SOX5: variants seen among roughly 807,000 people sequenced by gnomAD.
The protein encoded by SOX5 is SRY-box transcription factor 5, also known as transcription factor SOX-5.
A neutral mutation model predicts 92.0 loss-of-function variants in SOX5; 9 were observed. That is an observed-to-expected ratio of 0.10 (90% CI 0.06 to 0.17). SOX5 has a LOEUF of 0.17. Among genes scored for constraint, SOX5 ranks in the 10% least tolerant of loss-of-function variants. The pLI is 1.00. For missense variants in SOX5, 642 were observed against 944.5 expected (o/e 0.68, Z 4.20); for synonymous variants, 344 against 336.3 (o/e 1.02, Z -0.25).
chr12:24,006,438 G>A (rs531076403), intron 4 of SOX5, among the ~76,000 whole-genome samples: 1 of 151,974 alleles, frequency 6.6e-6, no homozygotes, highest in Non-Finnish European at 1.5e-5. Context: ...TCTAAGGGAG[G>A]TACAGAACTT....
intron 6 of SOX5, among the ~76,000 whole-genome samples, chr12:23,699,789 G>T (rs1593403826): frequency 6.6e-6 from 1 of 152,218 alleles, no homozygotes; most frequent in Middle Eastern, 3.4e-3. Context: ...CAGGTTTTCA[G>T]GAGCTCTACT....
chr12:23,767,064 G>T (rs1035577915), intron 3 of SOX5, among the ~76,000 whole-genome samples: 1 of 151,890 alleles, frequency 6.6e-6, no homozygotes, highest in Non-Finnish European at 1.5e-5. Context: ...AAAACTAGCC[G>T]GGCATGGTTG....
In SOX5 at chr12:23,970,841, A is replaced by ATATATATATATATATATATATATAAAATT; in HGVS notation, c.-1-74818_-1-74817insAATTTTATATATATATATATATATATATA. 4.3e-3 allele frequency among the ~76,000 whole-genome samples: 95 copies of ATATATATATATATATATATATATAAAATT among 21,858 alleles called. 20 individuals carry two copies. Among genetic ancestry groups the ATATATATATATATATATATATATAAAATT allele is most frequent in the South Asian group, 0.033 (15 of 456 alleles). 14.3% of individuals were successfully genotyped at this position (21,858 alleles called of 152,430 possible). On this transcript the variant is annotated intron_variant, in intron 4 of 4. Transcript: ENST00000446891. ...ACATGGGACTTTATATATATATATA[A>ATATATATATATATATATATATATAAAATT]TTTTTTTTTTTTTTTAAGAAATGGG... is the stretch of plus-strand genomic sequence containing the variant.
chr12:23,953,925 A>T (rs1945969657), upstream of SOX5, among the ~76,000 whole-genome samples: 1 of 152,028 alleles, frequency 6.6e-6, no homozygotes, highest in Admixed American at 6.6e-5. Flanking sequence ...TCCATTGCAG[A>T]TATAAAAAGG....
At chr12:23,690,970 G>A (rs1454394765) in intron 6 of SOX5, among the ~76,000 whole-genome samples, 1 of 152,112 alleles carries the variant, frequency 6.6e-6, no homozygotes, top group East Asian at 1.9e-4. Flanking sequence ...GACTGGGAAG[G>A]GAGCACACCT....
intron 1 of SOX5, among the ~76,000 whole-genome samples, chr12:24,417,082 T>A (rs1965143298): frequency 6.6e-6 from 1 of 152,202 alleles, no homozygotes. Flanking sequence ...TCTCTTTCTC[T>A]GTTTCTCATT....
Position 24,079,193 on chromosome 12 carries a change from T to TAAA in SOX5, c.-2+134147_-2+134149dup, listed in dbSNP as rs527892706. On this transcript the variant is annotated intron_variant, in intron 4 of 4. Transcript: ENST00000446891. ...GATAGAAATGCTCTAACAATAAAATTAAAAAAAAAAAACCAGCTTCAGAAT... is the reference window on the plus strand; with the variant it reads ...GATAGAAATGCTCTAACAATAAAATTAAAAAAAAAAAAAAACCAGCTTCAGAAT... Among the ~76,000 whole-genome samples the TAAA allele has an allele frequency of 1.6e-4, 23 of 144,360 alleles. No individual in the cohort carries two copies. The East Asian group carries it at 3.4e-3, about 21-fold the overall frequency. The allele number at this position is 144,360 out of a possible 152,430, so 94.7% of individuals were successfully genotyped here. A position where few individuals can be genotyped will look rare whatever the true frequency, so the allele number is the denominator to read the frequency against.
intron 1 of SOX5, chr12:23,920,232 T>C (rs1165982471): frequency 2.0e-5 from 3 of 152,200 alleles, no homozygotes; most frequent in African/African-American, 4.8e-5. Flanking sequence ...CAAAAAGCGA[T>C]AGAAAAGAAT....
intron 1 of SOX5, among the ~76,000 whole-genome samples, chr12:24,374,942 G>T (rs1957101466): frequency 6.6e-6 from 1 of 152,060 alleles, no homozygotes; most frequent in Non-Finnish European, 1.5e-5. Context: ...GTGGGTGCAG[G>T]GTTGGCACCT....
intron 1 of SOX5, among the ~76,000 whole-genome samples, chr12:24,512,996 C>A (rs1321182957): frequency 6.6e-6 from 1 of 152,168 alleles, no homozygotes; most frequent in African/African-American, 2.4e-5. Context: ...TCAGTAGAAA[C>A]CATACTTCAA....
chr12:24,503,862 T>A, intron 1 of SOX5, among the ~76,000 whole-genome samples: 2 of 151,970 alleles, frequency 1.3e-5, no homozygotes, highest in East Asian at 3.9e-4. Flanking sequence ...TTAGAAGAAA[T>A]ACCTAATGTA....
At chr12:24,560,978 T>C (rs1265459491) in intron 1 of SOX5, among the ~76,000 whole-genome samples, 1 of 152,214 alleles carries the variant, frequency 6.6e-6, no homozygotes, top group Non-Finnish European at 1.5e-5. Flanking sequence ...TCCAGTCCCT[T>C]TGCAGATTCC....
At chr12:24,555,065 C>T (rs745689494) in intron 1 of SOX5, among the ~76,000 whole-genome samples, 1 of 152,234 alleles carries the variant, frequency 6.6e-6, no homozygotes, top group African/African-American at 2.4e-5. Flanking sequence ...TCTAAGGCAA[C>T]AAAGTGCTGG....
At chr12:23,746,729 T>C (rs2093997446) in intron 4 of SOX5, among the ~76,000 whole-genome samples, 1 of 151,996 alleles carries the variant, frequency 6.6e-6, no homozygotes. Flanking sequence ...GCTTCAGTCA[T>C]CTCCAGCTCA....
At chr12:23,837,334 G>C (rs1293216321) in intron 3 of SOX5, among the ~76,000 whole-genome samples, 1 of 62,142 alleles carries the variant, frequency 1.6e-5, no homozygotes, top group African/African-American at 6.7e-5. Context: ...TAATATATAA[G>C]ATATATTTAT....
At chr12:24,449,025 A>C (rs1207290917) in intron 1 of SOX5, among the ~76,000 whole-genome samples, 1 of 152,134 alleles carries the variant, frequency 6.6e-6, no homozygotes, top group Non-Finnish European at 1.5e-5. Flanking sequence ...TCCTAGGTTT[A>C]ATTAATTCTC....
Position 23,536,489 on chromosome 12 carries a change from T to C in SOX5, c.1952A>G (p.Asn651Ser). 1.2e-6 allele frequency: 2 copies of C among 1,614,198 alleles called. No individual in the cohort carries two copies. The highest frequency in any genetic ancestry group is 1.7e-6 in the Non-Finnish European group (2 of 1,180,024). Residue 651 changes from asparagine (N) to serine (S), a missense_variant, in exon 14 of 15, where the codon AAC becomes AGC. This residue lies in a region of SOX5 where 21 missense variants were observed against 52.3 expected (regional missense o/e 0.40). Transcript: ENST00000451604. ...GTACTGCCGCATTTCCTGCCGCCTG[T>C]TGCGCATGATTGCCTTGTATTCACC... ...RIGEYKAIMR[N>S]RRQEMRQYFN...
chr12:23,804,810 A>G (rs1217528406), intron 3 of SOX5, among the ~76,000 whole-genome samples: 1 of 150,684 alleles, frequency 6.6e-6, no homozygotes, highest in Non-Finnish European at 1.5e-5. Context: ...TCATCACTCC[A>G]TCATGAAATA....
intron 1 of SOX5, among the ~76,000 whole-genome samples, chr12:24,532,508 T>C (rs1951285824): frequency 6.6e-6 from 1 of 152,168 alleles, no homozygotes; most frequent in Admixed American, 6.5e-5. Context: ...AGCCATTTCA[T>C]CAGGATGCAT....
Sources: allele counts gnomAD v4.1 joint callset (sites outside exome capture counted in the v4.1 genomes callset), GRCh38; gene constraint gnomAD v4.1.1; regional missense constraint gnomAD v4.1.1; transcripts MANE v1.5; gene names NCBI Gene and HGNC (gene_info 2026-07-23, HGNC 2026-07-21).